The following POR variants were observed in gnomAD, a reference collection of about 807,000 sequenced individuals.
The protein encoded by POR is cytochrome p450 oxidoreductase.
Under a neutral mutation model 84.0 loss-of-function variants are expected in POR, and 56 were observed. That is an observed-to-expected ratio of 0.67 (90% CI 0.54 to 0.83). POR has a LOEUF of 0.83. Ranked by LOEUF, POR falls within the 40% of genes least tolerant of loss-of-function variation. The pLI, the probability that POR is intolerant of heterozygous loss-of-function variation, is 0.00. For synonymous variants in POR, 414 were observed against 400.5 expected, an observed-to-expected ratio of 1.03 and a Z score of -0.40; for missense variants, 938 against 944.3, an observed-to-expected ratio of 0.99 and a Z score of 0.09.
intron 1 of POR, among the ~76,000 whole-genome samples, chr7:75,926,301 T>A (rs1370877848): frequency 3.9e-5 from 6 of 152,090 alleles, no homozygotes. Flanking sequence ...GGACCCCTGC[T>A]ATTTTTCCTG....
rs782551496 is a variant in POR, at chr7:75,985,828, C to T, written c.1648C>T (p.Arg550Trp). ...ACCCTTCATAGGCTTCATCCAGGAG[C>T]GGGCCTGGCTGCGACAGCAGGGTGA... Residue 550 changes from arginine (R) to tryptophan (W), a missense_variant, in exon 13 of 16, where the codon CGG becomes TGG. By Grantham distance (101) the Arg-to-Trp change is moderately radical. Transcript: ENST00000461988. The T allele has an allele frequency of 5.9e-5, 91 of 1,552,448 alleles. No homozygotes were observed. Among genetic ancestry groups the T allele is most frequent in the East Asian group, 1.4e-4 (6 of 42,116 alleles).
Position 75,986,715 on chromosome 7 carries a change from G to A in POR, c.*234G>A, listed in dbSNP as rs1253950522. ...TGGGGGCACCGGGCTCCATGCCTCT[G>A]GAGGCCTCTGGCCCTCGGTGGCTGC... is the stretch of plus-strand genomic sequence containing the variant. On this transcript the variant is annotated 3_prime_UTR_variant, in exon 16 of 16. Coordinates refer to ENST00000461988, the MANE Select transcript of POR (RefSeq NM_000941.3). 8 of 604,270 alleles carry A rather than the reference G, an allele frequency of 1.3e-5. No homozygotes were observed. Among genetic ancestry groups the A allele is most frequent in the African/African-American group, 1.1e-4 (6 of 53,952 alleles). 37.4% of individuals were successfully genotyped at this position (604,270 alleles called of 1,614,324 possible).
intron 1 of POR, among the ~76,000 whole-genome samples, chr7:75,948,788 C>T (rs1787291333): frequency 6.6e-6 from 1 of 152,150 alleles, no homozygotes; most frequent in African/African-American, 2.4e-5. Context: ...TGGGGTGACC[C>T]TCTAGTCAGG....
chr7:75,953,843 C>A, intron 1 of POR, 146 bp from the exon 2 acceptor site: 1 of 627,036 alleles, frequency 1.6e-6, no homozygotes, highest in Non-Finnish European at 2.7e-6. Flanking sequence ...AGGAACCTGG[C>A]TGAGTGAGCC....
At chr7:75,927,915 GC>G (rs1807216791) in intron 1 of POR, among the ~76,000 whole-genome samples, 1 of 148,352 alleles carries the variant, frequency 6.7e-6, no homozygotes, top group Non-Finnish European at 1.5e-5. Flanking sequence ...AAGTGATCTT[GC>G]CCTCCTCGGC....
chr7:75,977,513 C>T (rs948449246), intron 3 of POR, among the ~76,000 whole-genome samples: 2 of 152,208 alleles, frequency 1.3e-5, no homozygotes, highest in Admixed American at 6.5e-5. Flanking sequence ...CGGTGGCTCA[C>T]GCCCGTAATC....
intron 1 of POR, among the ~76,000 whole-genome samples, chr7:75,949,778 C>T (rs1337589310): frequency 6.6e-6 from 1 of 152,190 alleles, no homozygotes; most frequent in Non-Finnish European, 1.5e-5. Flanking sequence ...CCTCGGCCTC[C>T]CAAAGTGCTG....
At chr7:75,948,182 G>GT (rs1787263722) in intron 1 of POR, among the ~76,000 whole-genome samples, 2 of 152,198 alleles carry the variant, frequency 1.3e-5, no homozygotes, top group Admixed American at 1.3e-4. Context: ...TGCTTACCCC[G>GT]TGTGGCCTCA....
rs377017127 is a variant in POR at position 75,976,041 on chromosome 7, CGG to C, written c.238-3407_238-3406del. On this transcript the variant is annotated intron_variant, in intron 3 of 15. Coordinates refer to ENST00000461988, the MANE Select transcript of POR (RefSeq NM_000941.3). ...TGGGTCGAGACTCCCTGTCCATAATCGGGGTGCTTTTCCATTGGCGTGAGTCC... is the reference window on the plus strand; with the variant it reads ...TGGGTCGAGACTCCCTGTCCATAATCGGTGCTTTTCCATTGGCGTGAGTCC... Among the ~76,000 whole-genome samples the C allele has an allele frequency of 3.3e-3, 499 of 152,040 alleles. 3 individuals carry two copies. The highest frequency in any genetic ancestry group is 0.011 in the African/African-American group (474 of 41,472).
chr7:75,986,620 G>A lies in POR; in HGVS notation c.*139G>A. On this transcript the variant is annotated 3_prime_UTR_variant, in exon 16 of 16. Transcript: ENST00000461988. ...GTGACAAAGACTCCTCTGGGCCTGGGGTGCATCCTCCTCAGCCCCCAGGCC... is the reference window on the plus strand; with the variant it reads ...GTGACAAAGACTCCTCTGGGCCTGGAGTGCATCCTCCTCAGCCCCCAGGCC... 4.5e-6 allele frequency: 5 copies of A among 1,120,936 alleles called. No homozygotes were observed. The highest frequency in any genetic ancestry group is 4.8e-5 in the Admixed American group (2 of 41,958). The allele number at this position is 1,120,936 out of a possible 1,614,324, so 69.4% of individuals were successfully genotyped here. A position where few individuals can be genotyped will look rare whatever the true frequency, so the allele number is the denominator to read the frequency against.
chr7:75,981,742 G>T, intron 7 of POR, 136 bp downstream of exon 7: 1 of 752,036 alleles, frequency 1.3e-6, no homozygotes, highest in Non-Finnish European at 2.1e-6. Flanking sequence ...GAGGGACCTT[G>T]GTCCCAGCCA....
intron 1 of POR, among the ~76,000 whole-genome samples, chr7:75,941,046 A>G (rs1351171464): frequency 5.9e-5 from 9 of 152,116 alleles, no homozygotes; most frequent in Non-Finnish European, 1.0e-4. Flanking sequence ...GTGCATACCT[A>G]TAGTCTCAGC....
chr7:75,951,558 C>G (rs1787424452), intron 1 of POR, among the ~76,000 whole-genome samples: 1 of 152,172 alleles, frequency 6.6e-6, no homozygotes, highest in South Asian at 2.1e-4. Flanking sequence ...GCCCACAACC[C>G]TCGGATGCCC....
chr7:75,983,067 G>A (rs1554558373), intron 8 of POR, among the ~76,000 whole-genome samples: 2 of 152,228 alleles, frequency 1.3e-5, no homozygotes, highest in South Asian at 2.1e-4. Flanking sequence ...AGGGCTGGGC[G>A]AGGTGGCTCA....
At chr7:75,964,280 G>A (rs549426926) in intron 2 of POR, among the ~76,000 whole-genome samples, 66 of 152,194 alleles carry the variant, frequency 4.3e-4, no homozygotes, top group African/African-American at 1.5e-3. Flanking sequence ...GATTACAGGC[G>A]TGAGCCACCA....
At chr7:75,946,596 A>AATCCG (rs1284639302) in intron 1 of POR, among the ~76,000 whole-genome samples, 3 of 152,048 alleles carry the variant, frequency 2.0e-5, no homozygotes, top group Non-Finnish European at 2.9e-5. Context: ...CTCTGTACCT[A>AATCCG]ATTTTACAGA....
At chr7:75,959,785 G>C (rs1271492375) in intron 2 of POR, among the ~76,000 whole-genome samples, 1 of 152,138 alleles carries the variant, frequency 6.6e-6, no homozygotes, top group Non-Finnish European at 1.5e-5. Flanking sequence ...AAAACCCAGT[G>C]GGATTTTTGT....
At chr7:75,941,618 C>T (rs1554551508) in intron 1 of POR, among the ~76,000 whole-genome samples, 1 of 152,018 alleles carries the variant, frequency 6.6e-6, no homozygotes, top group East Asian at 1.9e-4. Context: ...CTTTGCATGC[C>T]AAGAAGTAAA....
At chr7:75,951,886 T>C (rs1554552885) in intron 1 of POR, among the ~76,000 whole-genome samples, 1 of 152,220 alleles carries the variant, frequency 6.6e-6, no homozygotes, top group Non-Finnish European at 1.5e-5. Context: ...CAGTTGAGCA[T>C]CTTATGAGGG....
Sources: allele counts gnomAD v4.1 joint callset (sites outside exome capture counted in the v4.1 genomes callset), GRCh38; gene constraint gnomAD v4.1.1; transcripts MANE v1.5; gene names NCBI Gene and HGNC (gene_info 2026-07-23, HGNC 2026-07-21).